Variants in CCDC15 observed in about 807,000 individuals in gnomAD.
The protein encoded by CCDC15 is coiled-coil domain-containing protein 15.
In CCDC15, 105 loss-of-function variants were observed where a neutral mutation model predicts 114.5. The observed-to-expected ratio is 0.92, with a 90% CI of 0.78 to 1.08. The LOEUF (loss-of-function observed/expected upper bound fraction) is 1.08, where lower values mean the gene tolerates loss of function less well. Among genes scored for constraint, CCDC15 ranks in the 50% least tolerant of loss-of-function variants. CCDC15 has a pLI of 0.00. For synonymous variants in CCDC15, 334 were observed against 377.8 expected (o/e 0.88, Z 1.34); for missense variants, 1,105 against 1,093.6 (o/e 1.01, Z -0.15).
At chr11:125,038,777 T>C in intron 14 of CCDC15, 144 bp from the exon 15 acceptor site, 3 of 1,205,008 alleles carry the variant, frequency 2.5e-6, no homozygotes, top group Middle Eastern at 2.7e-4. Flanking sequence ...GGTGTAGCCC[T>C]GCGTTTTTCC....
rs10893312 is a variant in CCDC15 at position 124,992,376 on chromosome 11, G to C, written c.2032-204G>C. Among the ~76,000 whole-genome samples the C allele has an allele frequency of 8.6e-3, 1,309 of 152,292 alleles. 12 individuals carry two copies. The highest frequency in any genetic ancestry group is 0.015 in the Non-Finnish European group (1,032 of 68,022). ...TACTTAGGATTTGATGAGTTTGTCA[G>C]ACTATTCTGTCAATGATGGGATTAA... On this transcript the variant is annotated intron_variant, in intron 9 of 15. Coordinates refer to ENST00000344762, the MANE Select transcript of CCDC15 (RefSeq NM_025004.3).
intron 6 of CCDC15, 62 bp from the exon 7 acceptor site, chr11:124,986,679 GT>G (rs1948161382): frequency 7.2e-7 from 1 of 1,384,898 alleles, no homozygotes; most frequent in Admixed American, 2.5e-5. Context: ...GTGTGTGTGT[GT>G]GTGTGTGTGT....
intron 13 of CCDC15, among the ~76,000 whole-genome samples, chr11:125,028,291 T>C (rs1948718303): frequency 6.6e-6 from 1 of 152,178 alleles, no homozygotes; most frequent in African/African-American, 2.4e-5. Flanking sequence ...TTTCTATTTC[T>C]GTGAAGAATG....
chr11:125,035,129 C>A (rs186569988), intron 13 of CCDC15, among the ~76,000 whole-genome samples: 1 of 152,188 alleles, frequency 6.6e-6, no homozygotes, highest in African/African-American at 2.4e-5. Flanking sequence ...CTAGTCTATT[C>A]ACGTTCTTCT....
intron 11 of CCDC15, among the ~76,000 whole-genome samples, chr11:125,001,866 A>T (rs1441589081): frequency 6.6e-6 from 1 of 152,078 alleles, no homozygotes; most frequent in Non-Finnish European, 1.5e-5. Context: ...ACATTTGTGT[A>T]CAAGTTTTTT....
At chr11:124,958,927 A>T (rs1232091840) in intron 2 of CCDC15, among the ~76,000 whole-genome samples, 188 bp from the exon 3 acceptor site, 1 of 152,242 alleles carries the variant, frequency 6.6e-6, no homozygotes, top group Non-Finnish European at 1.5e-5. Flanking sequence ...GATTTAATGA[A>T]GACATCGTTA....
chr11:124,960,250 AGTGCCGCGG>A (rs1947637014), intron 4 of CCDC15, among the ~76,000 whole-genome samples: 1 of 10,738 alleles, frequency 9.3e-5, no homozygotes, highest in Non-Finnish European at 1.9e-4. Context: ...TCTAAAGAAA[AGTGCCGCGG>A]AGCCTGCAGT....
chr11:124,991,769 T>C (rs923088729), intron 9 of CCDC15, among the ~76,000 whole-genome samples, 186 bp downstream of exon 9: 2 of 152,138 alleles, frequency 1.3e-5, no homozygotes, highest in Non-Finnish European at 2.9e-5. Context: ...TTGCAACCTC[T>C]GCCTCCTGGG....
chr11:125,012,138 G>C (rs1478547894), intron 13 of CCDC15, among the ~76,000 whole-genome samples: 2 of 152,164 alleles, frequency 1.3e-5, no homozygotes, highest in Non-Finnish European at 2.9e-5. Context: ...CCTAAAAACA[G>C]CCTTGGAAAG....
chr11:124,977,513 A>T lies in CCDC15; in HGVS notation c.666A>T (p.Ile222=), dbSNP rs1305320828. The change falls in exon 6 of 16, where the codon ATA becomes ATT. Residue 222 remains isoleucine, a synonymous_variant. Transcript: ENST00000344762. The stretch of plus-strand genomic sequence containing the variant: ...CCAGGAAACCAGCATCCACTGGGAT[A>T]AATACAGGAATAAGAGGAGAGTTGC... ...VLSRKPASTG[I]NTGIRGELPI... 2 of 1,603,658 alleles carry T rather than the reference A, an allele frequency of 1.2e-6. No individual in the cohort carries two copies. Among genetic ancestry groups the T allele is most frequent in the Non-Finnish European group, 1.7e-6 (2 of 1,174,778 alleles).
chr11:124,980,501 G>C (rs1948053239), intron 6 of CCDC15, among the ~76,000 whole-genome samples: 1 of 152,164 alleles, frequency 6.6e-6, no homozygotes, highest in Non-Finnish European at 1.5e-5. Flanking sequence ...AATCTTGGGA[G>C]GTTGTATGTT....
At chr11:125,012,863 C>T (rs1432589451) in intron 13 of CCDC15, among the ~76,000 whole-genome samples, 1 of 152,050 alleles carries the variant, frequency 6.6e-6, no homozygotes, top group Non-Finnish European at 1.5e-5. Context: ...GAATATATGA[C>T]AGGATAGTAC....
chr11:124,957,619 T>A (rs1214629915), intron 2 of CCDC15, among the ~76,000 whole-genome samples: 1 of 152,222 alleles, frequency 6.6e-6, no homozygotes, highest in Non-Finnish European at 1.5e-5. Flanking sequence ...TAAACTTGTC[T>A]GGGGCTTGAG....
chr11:124,978,559 G>A (rs1431698267), intron 6 of CCDC15, among the ~76,000 whole-genome samples: 1 of 152,106 alleles, frequency 6.6e-6, no homozygotes, highest in Non-Finnish European at 1.5e-5. Flanking sequence ...GTGTGAGATG[G>A]TATCTTGTGG....
intron 6 of CCDC15, among the ~76,000 whole-genome samples, chr11:124,982,005 GTCT>G (rs1948080699): frequency 6.6e-6 from 1 of 152,074 alleles, no homozygotes; most frequent in Non-Finnish European, 1.5e-5. Context: ...GGATAGTTAG[GTCT>G]TCTTGTTCAA....
chr11:124,988,021 A>C lies in CCDC15; in HGVS notation c.1795A>C (p.Ile599Leu). The C allele has an allele frequency of 6.2e-7, 1 of 1,613,780 alleles. No homozygotes were observed. The highest frequency in any genetic ancestry group is 8.5e-7 in the Non-Finnish European group (1 of 1,179,758). The change falls in exon 8 of 16, where the codon ATT becomes CTT. Residue 599 changes from isoleucine (I) to leucine (L), a missense_variant. Ile to Leu is a conservative substitution (Grantham distance 5). Coordinates refer to ENST00000344762, the MANE Select transcript of CCDC15 (RefSeq NM_025004.3). ...DQGYLPKDQNILPICQDRDFL... is the reference protein window; with the variant it reads ...DQGYLPKDQNLLPICQDRDFL... ...AGGTTATCTTCCTAAAGACCAAAAT[A>C]TTCTACCCATATGTCAGGACCGGGA... is the stretch of plus-strand genomic sequence containing the variant.
chr11:125,009,956 G>A (rs1045647097), intron 13 of CCDC15, among the ~76,000 whole-genome samples: 6 of 152,134 alleles, frequency 3.9e-5, no homozygotes, highest in African/African-American at 1.4e-4. Flanking sequence ...ATAGTGGTGC[G>A]ATGAACATAT....
In CCDC15 at chr11:124,993,319, T is replaced by G; in HGVS notation, c.2214+76T>G. 13 of 965,598 alleles carry G rather than the reference T, an allele frequency of 1.3e-5. No homozygotes were observed. The South Asian group carries it at 1.6e-4, about 12-fold the overall frequency. The allele number at this position is 965,598 out of a possible 1,614,324, so 59.8% of individuals were successfully genotyped here. Reference sequence around the variant, plus strand: ...AGAATATAGTGAGTAAGTAACAGAGTGTAAATTGCTTTTTTTTTGGCTGAA... The same window carrying G: ...AGAATATAGTGAGTAAGTAACAGAGGGTAAATTGCTTTTTTTTTGGCTGAA... On this transcript the variant is annotated intron_variant, in intron 11 of 15. Transcript: ENST00000344762.
At chr11:124,967,229 G>A (rs1030834955) in intron 4 of CCDC15, among the ~76,000 whole-genome samples, 1 of 152,162 alleles carries the variant, frequency 6.6e-6, no homozygotes, top group East Asian at 1.9e-4. Context: ...CTTGACGACT[G>A]TTTTCCAACT....
Sources: allele counts gnomAD v4.1 joint callset (sites outside exome capture counted in the v4.1 genomes callset), GRCh38; gene constraint gnomAD v4.1.1; transcripts MANE v1.5; gene names NCBI Gene and HGNC (gene_info 2026-07-23, HGNC 2026-07-21).